The following SMAD4 variants were observed in gnomAD, a reference collection of about 807,000 sequenced individuals.
SMAD4 encodes the protein MAD homolog 4.
Under a neutral mutation model 63.2 loss-of-function variants are expected in SMAD4, and 7 were observed. The observed-to-expected ratio is 0.11, with a 90% confidence interval of 0.06 to 0.21. SMAD4 has a LOEUF of 0.21. Ranked by LOEUF, SMAD4 falls within the 10% of genes least tolerant of loss-of-function variation. The probability of loss-of-function intolerance (pLI) is 1.00; values close to 1 mark genes in which losing one functional copy is unlikely to be tolerated. For missense variants in SMAD4, 312 were observed against 693.8 expected (o/e 0.45, Z 6.18); for synonymous variants, 215 against 235.4 (o/e 0.91, Z 0.79).
At chr18:51,043,457 T>A (rs1909448352) in intron 1 of SMAD4, among the ~76,000 whole-genome samples, 1 of 152,226 alleles carries the variant, frequency 6.6e-6, no homozygotes, top group Non-Finnish European at 1.5e-5. Flanking sequence ...TTAGAATATA[T>A]AATTTTATTT....
At chr18:51,054,539 C>G (rs1028998178) in intron 4 of SMAD4, 2 of 483,658 alleles carry the variant, frequency 4.1e-6, no homozygotes, top group South Asian at 2.3e-5. Flanking sequence ...GAAACATAGA[C>G]TAGCTTCAAA....
chr18:51,042,040 G>A (rs1909400248), intron 1 of SMAD4, among the ~76,000 whole-genome samples: 1 of 152,128 alleles, frequency 6.6e-6, no homozygotes, highest in Admixed American at 6.5e-5. Context: ...AGTTCTCAGT[G>A]GAGTAAGTAC....
At chr18:51,050,771 C>T (rs1909686711) in intron 4 of SMAD4, among the ~76,000 whole-genome samples, 1 of 151,258 alleles carries the variant, frequency 6.6e-6, no homozygotes, top group South Asian at 2.1e-4. Context: ...AGAGGTGGGT[C>T]AGAAATACTA....
chr18:51,046,893 T>C (rs765597856), intron 1 of SMAD4, 27 bp from the exon 2 acceptor site: 2 of 653,206 alleles, frequency 3.1e-6, no homozygotes, highest in South Asian at 1.9e-5. Context: ...TGTTCTGATG[T>C]GTGTCTTTTT....
In SMAD4 at chr18:51,058,379, A is replaced by T. The variant is rs1229812463; in HGVS notation, c.827A>T (p.Tyr276Phe). The change falls in exon 7 of 12, where the codon TAC becomes TTC. Residue 276 changes from tyrosine (Y) to phenylalanine (F), a missense_variant. Tyr to Phe is a conservative substitution (Grantham distance 22, BLOSUM62 3). This residue lies in a region of SMAD4 where 169 missense variants were observed against 211.0 expected (regional missense o/e 0.80). Transcript: ENST00000342988. ...TTWTGSRTAP[Y>F]TPNLPHHQNG... is the part of the protein sequence containing the mutation. ...TGGACTGGAAGTAGGACTGCACCAT[A>T]CACACCTAATTTGCCTCACCACCAA... The T allele has an allele frequency of 1.2e-6, 2 of 1,614,008 alleles. No homozygotes were observed. Among genetic ancestry groups the T allele is most frequent in the Non-Finnish European group, 1.7e-6 (2 of 1,180,036 alleles).
intron 5 of SMAD4, 46 bp from the exon 6 acceptor site, chr18:51,058,079 A>G (rs1220773279): frequency 1.2e-6 from 2 of 1,609,268 alleles, no homozygotes; most frequent in African/African-American, 1.3e-5. Context: ...AAATCATAAG[A>G]TGACATCTAT....
chr18:51,036,130 C>T (rs759577150), intron 1 of SMAD4, among the ~76,000 whole-genome samples: 5 of 152,066 alleles, frequency 3.3e-5, no homozygotes, highest in Non-Finnish European at 7.4e-5. Context: ...GGCACCACCA[C>T]GCCTGGCTGA....
chr18:51,044,301 T>C (rs1474791320), intron 1 of SMAD4, among the ~76,000 whole-genome samples: 1 of 152,106 alleles, frequency 6.6e-6, no homozygotes, highest in African/African-American at 2.4e-5. Context: ...CACACTACCA[T>C]GCCTGGCGAA....
chr18:51,039,555 T>TG (rs1909312087), intron 1 of SMAD4, among the ~76,000 whole-genome samples: 1 of 131,406 alleles, frequency 7.6e-6, no homozygotes, highest in Non-Finnish European at 1.5e-5. Flanking sequence ...TTGCCTGCCT[T>TG]GCGTTCTTTT....
chr18:51,053,595 C>A (rs535804167), intron 4 of SMAD4: 38 of 152,080 alleles, frequency 2.5e-4, no homozygotes, highest in Non-Finnish European at 5.0e-4. Context: ...GAACATACTT[C>A]TTAAGAGGTT....
In SMAD4 at chr18:51,030,513, G is replaced by C. The variant is rs1909007371; in HGVS notation, c.-238G>C. 1 of 148,670 alleles carries C rather than the reference G, an allele frequency of 6.7e-6. No individual in the cohort carries two copies. The highest frequency in any genetic ancestry group is 2.1e-4 in the South Asian group (1 of 4,832). 9.2% of individuals were successfully genotyped at this position (148,670 alleles called of 1,614,324 possible). On this transcript the variant is annotated 5_prime_UTR_variant, in exon 1 of 12. Coordinates refer to ENST00000342988, the MANE Select transcript of SMAD4 (RefSeq NM_005359.6). ...AGGGGCGGCCTGGCCGGGACGCCTC[G>C]GGGCGGGGGCCGAGGAGCTCTCCGG...
chr18:51,071,592 C>T (rs1439843953), intron 10 of SMAD4, among the ~76,000 whole-genome samples: 1 of 152,154 alleles, frequency 6.6e-6, no homozygotes, highest in African/African-American at 2.4e-5. Context: ...CTGGGCGTTT[C>T]AAGTTTTTAA....
chr18:51,080,649 C>G lies in SMAD4; in HGVS notation c.*2182C>G, dbSNP rs1002531060. ...CTCTGCCTCCCGGGTTCAACTGATTCTCCTGCCTCAGCCTCCCTGGTAGCT... is the reference window on the plus strand; with the variant it reads ...CTCTGCCTCCCGGGTTCAACTGATTGTCCTGCCTCAGCCTCCCTGGTAGCT... On this transcript the variant is annotated 3_prime_UTR_variant, in exon 12 of 12. Coordinates refer to ENST00000342988, the MANE Select transcript of SMAD4 (RefSeq NM_005359.6). 29 of 178,278 alleles carry G rather than the reference C, an allele frequency of 1.6e-4. No homozygotes were observed. The highest frequency in any genetic ancestry group is 2.5e-4 in the Admixed American group (4 of 15,876). 11.0% of individuals were successfully genotyped at this position (178,278 alleles called of 1,614,324 possible).
At chr18:51,032,641 T>C (rs866681038) in intron 1 of SMAD4, among the ~76,000 whole-genome samples, 5 of 152,162 alleles carry the variant, frequency 3.3e-5, no homozygotes, top group African/African-American at 1.2e-4. Context: ...TAACCTAATT[T>C]ATGCTGCCCA....
chr18:51,073,388 T>TATATACATACACACACAC (rs1417299090), intron 10 of SMAD4, among the ~76,000 whole-genome samples: 1 of 64,186 alleles, frequency 1.6e-5, no homozygotes, highest in Admixed American at 1.9e-4. Context: ...TATATATATA[T>TATATACATACACACACAC]ACACACACAC....
intron 1 of SMAD4, chr18:51,044,954 A>G (rs1909496237): frequency 6.6e-6 from 1 of 152,228 alleles, no homozygotes. Context: ...GCTCTAAGAC[A>G]TATGAAAAAC....
chr18:51,074,285 G>A (rs1172974135), intron 10 of SMAD4, among the ~76,000 whole-genome samples: 1 of 151,506 alleles, frequency 6.6e-6, no homozygotes, highest in African/African-American at 2.4e-5. Flanking sequence ...GGAGGCTGAT[G>A]TGGGAGGACC....
rs571233062 is a variant in SMAD4 at position 51,068,629 on chromosome 18, A to G, written c.1308+1442A>G. 3.4e-4 allele frequency among the ~76,000 whole-genome samples: 52 copies of G among 152,326 alleles called. 1 individual carries two copies. The highest frequency in any genetic ancestry group is 1.0e-3 in the African/African-American group (43 of 41,576). ...GTATAGAAAAGTTAGTTATTAAACA[A>G]TACATAAGGCCTGATTTAGTGGCTC... On this transcript the variant is annotated intron_variant, in intron 10 of 11. Transcript: ENST00000342988.
intron 8 of SMAD4, among the ~76,000 whole-genome samples, chr18:51,061,128 A>G (rs1910000698): frequency 6.6e-6 from 1 of 152,120 alleles, no homozygotes; most frequent in African/African-American, 2.4e-5. Flanking sequence ...GGCACATGAG[A>G]TGTTTTGATA....
Sources: allele counts gnomAD v4.1 joint callset (sites outside exome capture counted in the v4.1 genomes callset), GRCh38; gene constraint gnomAD v4.1.1; regional missense constraint gnomAD v4.1.1; transcripts MANE v1.5; gene names NCBI Gene and HGNC (gene_info 2026-07-23, HGNC 2026-07-21).